TMEM163: variants seen among roughly 807,000 people sequenced by gnomAD.
TMEM163 encodes transmembrane protein 163.
In TMEM163, 17 loss-of-function variants were observed where a neutral mutation model predicts 29.3. That is an observed-to-expected ratio of 0.58 (90% CI 0.40 to 0.87). The LOEUF is 0.87. TMEM163 is among the 40% of genes least tolerant of loss of function. TMEM163 has a pLI of 0.00. For missense variants in TMEM163, 303 were observed against 381.5 expected (o/e 0.79, Z 1.71); for synonymous variants, 157 against 160.6 (o/e 0.98, Z 0.17).
chr2:134,602,372 A>G (rs972879125), intron 2 of TMEM163, among the ~76,000 whole-genome samples: 1 of 152,174 alleles, frequency 6.6e-6, no homozygotes, highest in African/African-American at 2.4e-5. Flanking sequence ...TCCTACAGCC[A>G]CAGCAGCAAC....
chr2:134,656,756 G>T (rs1683629787), intron 2 of TMEM163, among the ~76,000 whole-genome samples: 1 of 152,164 alleles, frequency 6.6e-6, no homozygotes, highest in South Asian at 2.1e-4. Context: ...TTATTATTTT[G>T]AGATATATCC....
intron 2 of TMEM163, among the ~76,000 whole-genome samples, chr2:134,597,735 G>A (rs1430058653): frequency 2.0e-5 from 3 of 152,144 alleles, no homozygotes; most frequent in South Asian, 2.1e-4. Flanking sequence ...CTGTGAATCC[G>A]TCTGGTCCTG....
At chr2:134,528,161 A>C (rs976795808) in intron 4 of TMEM163, among the ~76,000 whole-genome samples, 1 of 152,084 alleles carries the variant, frequency 6.6e-6, no homozygotes, top group Non-Finnish European at 1.5e-5. Flanking sequence ...TTATGGAAAA[A>C]CTCCCAGTAG....
intron 5 of TMEM163, chr2:134,468,405 CTG>C (rs1482768056): frequency 6.6e-6 from 1 of 152,328 alleles, no homozygotes; most frequent in African/African-American, 2.4e-5. Context: ...GCCTCCAGAA[CTG>C]TGAGATGGAA....
chr2:134,586,247 A>C (rs1225830910), intron 2 of TMEM163, among the ~76,000 whole-genome samples: 1 of 152,242 alleles, frequency 6.6e-6, no homozygotes, highest in African/African-American at 2.4e-5. Flanking sequence ...AAGTAACACA[A>C]ACTAGGTGGC....
chr2:134,697,427 C>T (rs1218758940), intron 2 of TMEM163, among the ~76,000 whole-genome samples: 1 of 149,980 alleles, frequency 6.7e-6, no homozygotes, highest in African/African-American at 2.5e-5. Context: ...TTACCAAATG[C>T]TTTTTGTATT....
At chr2:134,716,644 A>G (rs1354716182) in intron 1 of TMEM163, among the ~76,000 whole-genome samples, 10 of 152,216 alleles carry the variant, frequency 6.6e-5, no homozygotes, top group East Asian at 1.9e-4. Flanking sequence ...CTCCTCCCCA[A>G]TTCCTCTCAC....
intron 4 of TMEM163, among the ~76,000 whole-genome samples, chr2:134,533,027 G>C (rs776765660): frequency 2.2e-4 from 33 of 152,172 alleles, no homozygotes; most frequent in African/African-American, 6.8e-4. Flanking sequence ...ACTCAGTTTA[G>C]TTGTTTCTTA....
intron 2 of TMEM163, among the ~76,000 whole-genome samples, chr2:134,558,691 C>A (rs563332836): frequency 6.6e-6 from 1 of 152,128 alleles, no homozygotes; most frequent in Non-Finnish European, 1.5e-5. Flanking sequence ...GCAGACAGCC[C>A]CTCCACAACC....
intron 2 of TMEM163, among the ~76,000 whole-genome samples, chr2:134,650,062 T>C (rs1683433215): frequency 1.4e-5 from 2 of 140,882 alleles, no homozygotes; most frequent in Admixed American, 1.4e-4. Flanking sequence ...CATGCAAAAA[T>C]GTCCATGATA....
intron 6 of TMEM163, among the ~76,000 whole-genome samples, chr2:134,463,364 G>A (rs1686594848): frequency 1.3e-5 from 2 of 152,222 alleles, no homozygotes; most frequent in South Asian, 2.1e-4. Context: ...GGGCTCCATG[G>A]CCAAGGAAGG....
chr2:134,599,836 C>T lies in TMEM163; in HGVS notation c.323-47745G>A, dbSNP rs1161946175. Among the ~76,000 whole-genome samples, 2 of 151,926 alleles carry T rather than the reference C, an allele frequency of 1.3e-5. 1 individual carries two copies. Among genetic ancestry groups the T allele is most frequent in the East Asian group, 3.9e-4 (2 of 5,172 alleles). On this transcript the variant is annotated intron_variant, in intron 2 of 7. Transcript: ENST00000281924. The stretch of plus-strand genomic sequence containing the variant: ...GCATAAGCCACCACACCCACCCATC[C>T]TATTCTACTTTTTCATTAACAAAAA...
chr2:134,516,779 T>TAATATATATATG (rs1680078549), intron 4 of TMEM163, among the ~76,000 whole-genome samples: 1 of 42,996 alleles, frequency 2.3e-5, no homozygotes. Flanking sequence ...GCATATCTAT[T>TAATATATATATG]CATATATATA....
intron 2 of TMEM163, among the ~76,000 whole-genome samples, chr2:134,621,723 T>C (rs1256702411): frequency 6.6e-6 from 1 of 151,892 alleles, no homozygotes; most frequent in Non-Finnish European, 1.5e-5. Flanking sequence ...ACCCCGTCTC[T>C]ACTAAAAATA....
chr2:134,600,541 C>T (rs1372120574), intron 2 of TMEM163, among the ~76,000 whole-genome samples: 1 of 152,116 alleles, frequency 6.6e-6, no homozygotes, highest in African/African-American at 2.4e-5. Context: ...TTTATTAATG[C>T]TATAGTTCGA....
At chr2:134,604,452 C>A (rs534417570) in intron 2 of TMEM163, among the ~76,000 whole-genome samples, 8 of 149,294 alleles carry the variant, frequency 5.4e-5, no homozygotes, top group East Asian at 4.0e-4. Flanking sequence ...AAAAAAAAAA[C>A]CTCAAAATAA....
chr2:134,541,960 T>G (rs11889965), intron 4 of TMEM163, among the ~76,000 whole-genome samples: 5,260 of 152,300 alleles, frequency 0.035, 320 homozygotes, highest in African/African-American at 0.12. Context: ...CCTTTCTTAC[T>G]GCAGACCATG....
chr2:134,563,888 T>C (rs1421415193), intron 2 of TMEM163, among the ~76,000 whole-genome samples: 1 of 152,114 alleles, frequency 6.6e-6, no homozygotes, highest in Admixed American at 6.5e-5. Flanking sequence ...ACCCTGTATC[T>C]ACTAAAAATA....
In TMEM163 at chr2:134,486,795, T is replaced by C. The variant is rs575381317; in HGVS notation, c.555+16106A>G. Among the ~76,000 whole-genome samples the C allele has an allele frequency of 3.3e-5, 5 of 152,274 alleles. No individual in the cohort carries two copies. In the South Asian group the frequency reaches 8.3e-4, roughly 25 times the overall value. ...GACCAATGTTACTTAAAAGCACAGATGCAAAACTCCAAACAAAATAGTAGG... is the reference window on the plus strand; with the variant it reads ...GACCAATGTTACTTAAAAGCACAGACGCAAAACTCCAAACAAAATAGTAGG... On this transcript the variant is annotated intron_variant, in intron 5 of 7. Transcript: ENST00000281924.
Sources: allele counts gnomAD v4.1 joint callset (sites outside exome capture counted in the v4.1 genomes callset), GRCh38; gene constraint gnomAD v4.1.1; transcripts MANE v1.5; gene names NCBI Gene and HGNC (gene_info 2026-07-23, HGNC 2026-07-21).